Variants in PLCB4 observed in about 807,000 individuals in gnomAD.
PLCB4 encodes the protein phospholipase C beta 4.
In PLCB4, 77 loss-of-function variants were observed where a neutral mutation model predicts 178.8. The ratio of observed to expected loss-of-function variants is 0.43; its 90% CI spans 0.36 to 0.52. The LOEUF (loss-of-function observed/expected upper bound fraction) is 0.52. PLCB4 is among the 20% of genes least tolerant of loss of function. The pLI is 0.00. For synonymous variants in PLCB4, 496 were observed against 490.8 expected, an observed-to-expected ratio of 1.01 and a Z score of -0.14; for missense variants, 1,024 against 1,453.4, an observed-to-expected ratio of 0.70 and a Z score of 4.80.
intron 3 of PLCB4, among the ~76,000 whole-genome samples, chr20:9,290,729 A>G (rs2094573120): frequency 1.3e-5 from 2 of 152,252 alleles, no homozygotes; most frequent in South Asian, 2.1e-4. Flanking sequence ...GCCCATCTGA[A>G]TGTGGCTTTC....
chr20:9,277,086 C>T (rs1219913660), intron 3 of PLCB4, among the ~76,000 whole-genome samples: 1 of 152,234 alleles, frequency 6.6e-6, no homozygotes, highest in Admixed American at 6.5e-5. Context: ...TGGAAGCCAG[C>T]TTCTCCACCT....
At chr20:9,205,235 A>G (rs889076994) in intron 2 of PLCB4, among the ~76,000 whole-genome samples, 2 of 152,200 alleles carry the variant, frequency 1.3e-5, no homozygotes, top group Non-Finnish European at 2.9e-5. Context: ...GCTTAACTAT[A>G]AAATAGGCTT....
At chr20:9,272,469 G>A (rs1334503645) in intron 3 of PLCB4, among the ~76,000 whole-genome samples, 5 of 152,072 alleles carry the variant, frequency 3.3e-5, no homozygotes, top group African/African-American at 1.2e-4. Flanking sequence ...TACCATAGCT[G>A]CAGGTCTCCA....
intron 2 of PLCB4, among the ~76,000 whole-genome samples, chr20:9,130,436 A>G (rs2092243747): frequency 6.6e-6 from 1 of 152,226 alleles, no homozygotes; most frequent in South Asian, 2.1e-4. Flanking sequence ...AATTTAAAAG[A>G]TAAATTACTC....
chr20:9,414,783 C>T (rs1288682963), intron 25 of PLCB4, among the ~76,000 whole-genome samples: 1 of 152,142 alleles, frequency 6.6e-6, no homozygotes, highest in Non-Finnish European at 1.5e-5. Flanking sequence ...GAAGACATTT[C>T]CCTAATTGCA....
chr20:9,299,700 A>G (rs1055356818), intron 3 of PLCB4, among the ~76,000 whole-genome samples: 5 of 152,002 alleles, frequency 3.3e-5, no homozygotes, highest in Admixed American at 6.6e-5. Context: ...TGTTTAATCA[A>G]TTGCTTAGTG....
intron 3 of PLCB4, among the ~76,000 whole-genome samples, chr20:9,304,463 G>A (rs2094741976): frequency 6.6e-6 from 1 of 152,088 alleles, no homozygotes; most frequent in South Asian, 2.1e-4. Flanking sequence ...AATGTATTTA[G>A]AGAGAGAATA....
chr20:9,405,972 C>T (rs764581009), intron 21 of PLCB4, among the ~76,000 whole-genome samples: 1 of 152,090 alleles, frequency 6.6e-6, no homozygotes, highest in Non-Finnish European at 1.5e-5. Context: ...AAGTTGAGAT[C>T]GTATCTTCTC....
chr20:9,401,606 C>G lies in PLCB4; in HGVS notation c.1611+16C>G. 6 of 1,513,074 alleles carry G rather than the reference C, an allele frequency of 4.0e-6. No individual in the cohort carries two copies. The highest frequency in any genetic ancestry group is 5.5e-6 in the Non-Finnish European group (6 of 1,088,634). 93.7% of individuals were successfully genotyped at this position (1,513,074 alleles called of 1,614,324 possible). ...CGTCAAGAAGGTCAGAGTCCCCTTT[C>G]TTTCATCACTCTCAAGAGGTAGCAG... On this transcript the variant is annotated intron_variant, in intron 20 of 39. Transcript: ENST00000378473.
At chr20:9,329,625 A>G (rs903615132) in intron 4 of PLCB4, among the ~76,000 whole-genome samples, 5 of 152,196 alleles carry the variant, frequency 3.3e-5, no homozygotes, top group African/African-American at 7.2e-5. Flanking sequence ...ACTTAACCCA[A>G]TAGGAACATC....
chr20:9,405,872 A>C (rs1001436245), intron 21 of PLCB4, among the ~76,000 whole-genome samples: 8 of 152,254 alleles, frequency 5.3e-5, no homozygotes, highest in African/African-American at 1.9e-4. Flanking sequence ...GCTGACAGCC[A>C]CAGGCAGAAG....
chr20:9,121,068 C>T (rs745461698), intron 2 of PLCB4, among the ~76,000 whole-genome samples: 1 of 152,168 alleles, frequency 6.6e-6, no homozygotes, highest in Non-Finnish European at 1.5e-5. Flanking sequence ...CTTTAGATCT[C>T]TCTGGAAGGT....
chr20:9,238,407 C>G (rs1601369723), intron 3 of PLCB4, among the ~76,000 whole-genome samples: 1 of 149,400 alleles, frequency 6.7e-6, no homozygotes. Context: ...GTGGAGTTGA[C>G]CCCCCCCCGA....
intron 3 of PLCB4, among the ~76,000 whole-genome samples, chr20:9,299,313 G>A (rs1391976890): frequency 6.6e-6 from 1 of 151,844 alleles, no homozygotes; most frequent in Non-Finnish European, 1.5e-5. Context: ...ATTTTTTCTG[G>A]AATATAAAAA....
intron 28 of PLCB4, among the ~76,000 whole-genome samples, chr20:9,428,120 G>A (rs1441763537): frequency 3.3e-5 from 5 of 152,220 alleles, no homozygotes; most frequent in East Asian, 1.9e-4. Context: ...TCTTATATCA[G>A]ATATTTCCAG....
intron 7 of PLCB4, among the ~76,000 whole-genome samples, chr20:9,359,165 G>A (rs764670962): frequency 1.1e-4 from 17 of 152,114 alleles, no homozygotes; most frequent in African/African-American, 2.4e-4. Context: ...GTCTCTCTAC[G>A]TTTGTATTTT....
rs1304922841 is a variant in PLCB4, at chr20:9,401,507, G to A, written c.1528G>A (p.Ala510Thr). 1 of 1,613,470 alleles carries A rather than the reference G, an allele frequency of 6.2e-7. No homozygotes were observed. Among genetic ancestry groups the A allele is most frequent in the Non-Finnish European group, 8.5e-7 (1 of 1,179,532 alleles). The part of the protein sequence containing the change: ...EIESADQEEE[A>T]HPEFKFGNEL... The stretch of plus-strand genomic sequence containing the variant: ...TCACACAGCTGACCAAGAGGAGGAA[G>A]CTCACCCCGAATTCAAATTTGGAAA... Residue 510 changes from alanine to threonine, a missense_variant, in exon 20 of 40, where the codon GCT becomes ACT. Physicochemically the swap from Ala to Thr is moderately conservative, Grantham distance 58. This residue lies in a region of PLCB4 where 263 missense variants were observed against 417.4 expected (regional missense o/e 0.63). Transcript: ENST00000378473.
rs1443168141 is a variant in PLCB4 at position 9,408,033 on chromosome 20, G to A, written c.1764G>A (p.Lys588=). The A allele has an allele frequency of 2.5e-6, 4 of 1,613,446 alleles. No individual in the cohort carries two copies. The highest frequency in any genetic ancestry group is 1.7e-6 in the Non-Finnish European group (2 of 1,179,744). Residue 588 remains lysine, a synonymous_variant, in exon 22 of 40, where the codon AAG becomes AAA. Transcript: ENST00000378473. ...TGATCAACTACGCCCAGCCTGTAAAGTTTCAAGGTTTCCATGTGGCAGAAG... is the reference window on the plus strand; with the variant it reads ...TGATCAACTACGCCCAGCCTGTAAAATTTCAAGGTTTCCATGTGGCAGAAG... ...STMINYAQPV[K]FQGFHVAEER... is the part of the protein sequence containing the mutation.
chr20:9,248,820 C>T (rs1244257162), intron 3 of PLCB4, among the ~76,000 whole-genome samples: 1 of 152,120 alleles, frequency 6.6e-6, no homozygotes, highest in African/African-American at 2.4e-5. Flanking sequence ...CTAGAAAATC[C>T]TCACAAATTT....
Sources: gnomAD v4.1 joint callset for allele counts (sites outside exome capture counted in the v4.1 genomes callset) on GRCh38, gnomAD v4.1.1 for gene constraint, gnomAD v4.1.1 regional missense constraint, MANE v1.5 for transcripts, NCBI Gene and HGNC (gene_info 2026-07-23, HGNC 2026-07-21) for gene names.